Variants in OTOGL observed in about 807,000 individuals in gnomAD.
The protein encoded by OTOGL is otogelin-like protein.
A neutral mutation model predicts 318.5 loss-of-function variants in OTOGL; 285 were observed. The ratio of observed to expected loss-of-function variants is 0.89; its 90% CI spans 0.81 to 0.99. The LOEUF (loss-of-function observed/expected upper bound fraction) is 0.99, where lower values mean the gene tolerates loss of function less well. Ranked by LOEUF, OTOGL falls within the 50% of genes least tolerant of loss-of-function variation. The pLI, the probability that OTOGL is intolerant of heterozygous loss-of-function variation, is 0.00. For missense variants in OTOGL, 2,899 were observed against 2,845.6 expected (o/e 1.02, Z -0.43); for synonymous variants, 987 against 936.5 (o/e 1.05, Z -0.99).
chr12:80,162,608 C>A (rs933292499), intron 1 of OTOGL, among the ~76,000 whole-genome samples: 20 of 152,024 alleles, frequency 1.3e-4, no homozygotes, highest in African/African-American at 4.8e-4. Context: ...TTCTGCTTGG[C>A]TTGTAGATGG....
At chr12:80,207,124 A>T (rs1318931323) in intron 1 of OTOGL, among the ~76,000 whole-genome samples, 2 of 152,212 alleles carry the variant, frequency 1.3e-5, no homozygotes, top group Non-Finnish European at 2.9e-5. Context: ...AATAACTATT[A>T]TAAAATGTTT....
intron 15 of OTOGL, 50 bp downstream of exon 15, chr12:80,254,620 T>A (rs1325715871): frequency 1.4e-6 from 2 of 1,424,438 alleles, no homozygotes; most frequent in Non-Finnish European, 2.0e-6. Flanking sequence ...TTCTTTAGAC[T>A]GGGGAGAAAG....
At chr12:80,190,976 A>G (rs1875654463) in intron 1 of OTOGL, among the ~76,000 whole-genome samples, 1 of 152,172 alleles carries the variant, frequency 6.6e-6, no homozygotes, top group African/African-American at 2.4e-5. Context: ...CACCTCAGGC[A>G]GGCGAATTCA....
chr12:80,287,050 C>G (rs1368368147), intron 26 of OTOGL, among the ~76,000 whole-genome samples: 1 of 148,200 alleles, frequency 6.7e-6, no homozygotes, highest in Non-Finnish European at 1.5e-5. Flanking sequence ...ATAAATTTGC[C>G]TCTAAACACT....
chr12:80,249,408 G>C (rs1002326161), intron 11 of OTOGL, among the ~76,000 whole-genome samples: 5 of 151,248 alleles, frequency 3.3e-5, no homozygotes, highest in African/African-American at 1.2e-4. Context: ...CTGAAGGTCT[G>C]TTGGAATACC....
chr12:80,208,985 T>C (rs985425680), intron 1 of OTOGL, among the ~76,000 whole-genome samples: 2 of 152,146 alleles, frequency 1.3e-5, no homozygotes, highest in African/African-American at 4.8e-5. Flanking sequence ...TATTTCACCC[T>C]TTTTCAAAGG....
At chr12:80,363,540 G>A (rs1322087887) in intron 52 of OTOGL, among the ~76,000 whole-genome samples, 1 of 11,288 alleles carries the variant, frequency 8.9e-5, no homozygotes, top group Admixed American at 1.1e-3. Context: ...TTGGGGAGTG[G>A]GAAGAGAGAG....
rs370445164 is a variant in OTOGL at position 80,323,765 on chromosome 12, G to A, written c.4124G>A (p.Arg1375Lys). The A allele has an allele frequency of 2.9e-5, 46 of 1,613,834 alleles. No individual in the cohort carries two copies. Among genetic ancestry groups the A allele is most frequent in the Non-Finnish European group, 3.8e-5 (45 of 1,179,852 alleles). ...CCTTACAGGAAGATGTGTGAATGGA[G>A]ATATGAACCTTGTGCTACACCCTGT... is the stretch of plus-strand genomic sequence containing the variant. ...AVPYRKMCEW[R>K]YEPCATPCFK... Residue 1375 changes from arginine to lysine, a missense_variant, in exon 35 of 59, where the codon AGA becomes AAA. Around this residue, in one of 3 missense-constraint regions of OTOGL, gnomAD observed 2,607 missense variants for 2,524.9 expected, o/e 1.03. Coordinates refer to ENST00000547103, the MANE Select transcript of OTOGL (RefSeq NM_001378609.3).
chr12:80,377,819 A>G, intron 58 of OTOGL, 29 bp from the exon 59 acceptor site: 1 of 1,533,604 alleles, frequency 6.5e-7, no homozygotes, highest in Middle Eastern at 1.8e-4. Context: ...AAAGTTTAAG[A>G]CTTTTTTTCT....
intron 29 of OTOGL, 89 bp downstream of exon 29, chr12:80,305,784 T>A: frequency 9.7e-7 from 1 of 1,027,324 alleles, no homozygotes; most frequent in African/African-American, 1.7e-5. Context: ...TAGGTAATAT[T>A]ATTTTACATA....
At chr12:80,113,875 C>T (rs997748357) in intron 1 of OTOGL, among the ~76,000 whole-genome samples, 17 of 151,880 alleles carry the variant, frequency 1.1e-4, no homozygotes, top group African/African-American at 4.1e-4. Context: ...CAATGTGATG[C>T]CCTTTGCCTT....
At chr12:80,233,217 T>A in intron 9 of OTOGL, 120 bp downstream of exon 9, 1 of 844,320 alleles carries the variant, frequency 1.2e-6, no homozygotes, top group Non-Finnish European at 1.8e-6. Flanking sequence ...GTCACTTGCC[T>A]GCTTTAGTGA....
At chr12:80,333,402 G>A (rs73135417) in intron 38 of OTOGL, among the ~76,000 whole-genome samples, 3,670 of 151,576 alleles carry the variant, frequency 0.024, 59 homozygotes, top group Non-Finnish European at 0.037. Flanking sequence ...GTCAGCCACT[G>A]TGTAAGATGT....
chr12:80,138,832 C>G (rs972593178), intron 1 of OTOGL, among the ~76,000 whole-genome samples: 1 of 152,082 alleles, frequency 6.6e-6, no homozygotes, highest in South Asian at 2.1e-4. Flanking sequence ...ATCTTTAACA[C>G]TAAAATGTTT....
chr12:80,286,462 T>C (rs982383876), intron 26 of OTOGL, among the ~76,000 whole-genome samples: 2 of 152,194 alleles, frequency 1.3e-5, no homozygotes, highest in African/African-American at 4.8e-5. Flanking sequence ...CAGCTCCTTT[T>C]TGTAACTCTG....
intron 44 of OTOGL, among the ~76,000 whole-genome samples, chr12:80,345,746 T>C (rs548933636): frequency 6.6e-6 from 1 of 152,248 alleles, no homozygotes; most frequent in African/African-American, 2.4e-5. Flanking sequence ...ATAGAGATAA[T>C]TGACTGTAGG....
chr12:80,153,407 G>T (rs1007673915), intron 1 of OTOGL, among the ~76,000 whole-genome samples: 1 of 152,114 alleles, frequency 6.6e-6, no homozygotes, highest in Non-Finnish European at 1.5e-5. Flanking sequence ...TCACATTGGG[G>T]ATTAAGTTTT....
intron 1 of OTOGL, among the ~76,000 whole-genome samples, chr12:80,185,894 A>G (rs750913750): frequency 6.6e-6 from 1 of 152,208 alleles, no homozygotes; most frequent in Non-Finnish European, 1.5e-5. Context: ...GTGGCACTAC[A>G]TAAGATACAA....
At chr12:80,298,370 G>C (rs991312830) in intron 27 of OTOGL, among the ~76,000 whole-genome samples, 4 of 152,144 alleles carry the variant, frequency 2.6e-5, no homozygotes, top group African/African-American at 9.7e-5. Context: ...TTACCTGCTT[G>C]CTCTGTAACT....
Sources: gnomAD v4.1 joint callset for allele counts (sites outside exome capture counted in the v4.1 genomes callset) on GRCh38, gnomAD v4.1.1 for gene constraint, gnomAD v4.1.1 regional missense constraint, MANE v1.5 for transcripts, NCBI Gene and HGNC (gene_info 2026-07-23, HGNC 2026-07-21) for gene names.